BET1: variants seen among roughly 807,000 people sequenced by gnomAD.
BET1 encodes Bet1 golgi vesicular membrane trafficking protein.
A neutral mutation model predicts 13.9 loss-of-function variants in BET1; 9 were observed. That is an observed-to-expected ratio of 0.65 (90% CI 0.39 to 1.13). BET1 has a LOEUF of 1.13. Ranked by LOEUF, BET1 falls within the 50% of genes most tolerant of loss-of-function variation. The pLI, the probability that BET1 is intolerant of heterozygous loss-of-function variation, is 0.01. For missense variants in BET1, 127 were observed against 133.6 expected (o/e 0.95, Z 0.24); for synonymous variants, 39 against 47.3 (o/e 0.82, Z 0.72).
chr7:93,971,950 C>G (rs1050636186), intron 6 of BET1, among the ~76,000 whole-genome samples: 3 of 149,858 alleles, frequency 2.0e-5, no homozygotes, highest in African/African-American at 7.4e-5. Context: ...AAAAAAAAAG[C>G]CATTGGATAT....
intron 4 of BET1, among the ~76,000 whole-genome samples, chr7:93,979,905 A>C (rs1265825143): frequency 6.6e-6 from 1 of 151,840 alleles, no homozygotes; most frequent in Admixed American, 6.6e-5. Context: ...GCCCACATGC[A>C]CTTGCCATCG....
chr7:93,963,354 T>C lies in BET1; in HGVS notation c.*2471A>G, dbSNP rs184080392. 1.1e-3 allele frequency: 164 copies of C among 152,192 alleles called. 1 individual carries two copies. Among genetic ancestry groups the C allele is most frequent in the African/African-American group, 3.9e-3 (160 of 41,556 alleles). 9.4% of individuals were successfully genotyped at this position (152,192 alleles called of 1,614,324 possible). On this transcript the variant is annotated 3_prime_UTR_variant and NMD_transcript_variant, in exon 7 of 7. Coordinates refer to the BET1 transcript ENST00000357520. ...TATAGCAGTATGAGAAGAAAACTAA[T>C]ACTGTAGACATTTCCTAAAACTCTT...
intron 4 of BET1, among the ~76,000 whole-genome samples, chr7:93,984,507 T>G (rs948187119): frequency 6.6e-6 from 1 of 152,168 alleles, no homozygotes; most frequent in Non-Finnish European, 1.5e-5. Context: ...ATGAAATTCC[T>G]TCTACTGAAG....
chr7:93,987,119 G>GT (rs1029619209), intron 4 of BET1: 2 of 151,036 alleles, frequency 1.3e-5, no homozygotes, highest in African/African-American at 2.4e-5. Flanking sequence ...TTTTGTTTTT[G>GT]TTTTTTGTTT....
chr7:93,996,369 A>G (rs1319504828), intron 2 of BET1, 48 bp from the exon 3 acceptor site: 2 of 1,301,460 alleles, frequency 1.5e-6, no homozygotes, highest in South Asian at 2.9e-5. Flanking sequence ...AAAGTATTCA[A>G]GTGTTATAAA....
chr7:93,996,180 G>T, intron 3 of BET1, 85 bp downstream of exon 3: 1 of 1,008,054 alleles, frequency 9.9e-7, no homozygotes, highest in Non-Finnish European at 1.5e-6. Context: ...TACGATCTCT[G>T]TATTTCAAAA....
At chr7:94,000,330 G>A (rs1795871515) in intron 1 of BET1, 1 of 151,768 alleles carries the variant, frequency 6.6e-6, no homozygotes, top group Non-Finnish European at 1.5e-5. Flanking sequence ...AGCCAGGATG[G>A]TCTCGATCTC....
At chr7:93,978,354 C>T (rs1046296824) in intron 4 of BET1, among the ~76,000 whole-genome samples, 5 of 152,164 alleles carry the variant, frequency 3.3e-5, no homozygotes, top group Admixed American at 1.3e-4. Context: ...TAGGAGTGAG[C>T]CACTGTGCCT....
At chr7:93,975,658 C>T (rs949322132) in intron 5 of BET1, among the ~76,000 whole-genome samples, 5 of 152,108 alleles carry the variant, frequency 3.3e-5, no homozygotes, top group Middle Eastern at 6.8e-3. Context: ...CTGTTTTTTG[C>T]ATAGATACTT....
chr7:94,002,449 G>A (rs1302152903), intron 1 of BET1, among the ~76,000 whole-genome samples: 2 of 116,146 alleles, frequency 1.7e-5, no homozygotes, highest in African/African-American at 7.7e-5. Context: ...TCACAGAAGA[G>A]CTTTTTTTTA....
intron 4 of BET1, among the ~76,000 whole-genome samples, chr7:93,979,448 C>G (rs1265498386): frequency 2.0e-5 from 3 of 152,046 alleles, no homozygotes; most frequent in Admixed American, 1.3e-4. Context: ...ACATTCTATC[C>G]TAATTTGCAT....
chr7:93,991,744 C>T (rs961831084), downstream of BET1: 1 of 925,706 alleles, frequency 1.1e-6, no homozygotes, highest in Non-Finnish European at 1.3e-6. Flanking sequence ...ACTTCATAGC[C>T]TTTGGTCTTA....
At chr7:93,976,089 C>T (rs750121399) in exon 5 of BET1, 2 of 1,237,126 alleles carry the variant, frequency 1.6e-6, no homozygotes, top group African/African-American at 1.5e-5. Flanking sequence ...TCCCTGGAAC[C>T]TGAAGGATCC....
intron 2 of BET1, among the ~76,000 whole-genome samples, chr7:93,996,858 T>A (rs1486315831): frequency 6.6e-6 from 1 of 151,806 alleles, no homozygotes; most frequent in African/African-American, 2.4e-5. Context: ...TTATTACATT[T>A]TGAAAGATCT....
chr7:93,975,744 A>G (rs1161135759), intron 5 of BET1, among the ~76,000 whole-genome samples: 2 of 152,120 alleles, frequency 1.3e-5, no homozygotes, highest in African/African-American at 4.8e-5. Context: ...GAGATGATCC[A>G]GATATAATGG....
chr7:93,993,369 T>G lies in BET1; in HGVS notation c.*861A>C, dbSNP rs1055369907. The G allele has an allele frequency of 3.9e-5, 38 of 970,328 alleles. No homozygotes were observed. Among genetic ancestry groups the G allele is most frequent in the Non-Finnish European group, 4.4e-5 (36 of 815,976 alleles). 60.1% of individuals were successfully genotyped at this position (970,328 alleles called of 1,614,324 possible). A position where few individuals can be genotyped will look rare whatever the true frequency, so the allele number is the denominator to read the frequency against. ...ACTCAACAGTCTGCCTTTGTGTTTT[T>G]CTTTCCATAAACAAATACACTGGAT... On this transcript the variant is annotated 3_prime_UTR_variant, in exon 4 of 4. Coordinates refer to ENST00000222547, the MANE Select transcript of BET1 (RefSeq NM_005868.6).
At chr7:93,962,928 T>C (rs1795116122) in exon 7 of BET1, 2 of 152,122 alleles carry the variant, frequency 1.3e-5, no homozygotes, top group Non-Finnish European at 2.9e-5. Flanking sequence ...CATTAGACTC[T>C]TTAACTATTG....
intron 6 of BET1, among the ~76,000 whole-genome samples, chr7:93,971,557 C>T (rs969369230): frequency 8.6e-5 from 13 of 151,702 alleles, no homozygotes; most frequent in African/African-American, 3.1e-4. Flanking sequence ...GCCCTACTTC[C>T]TTTCACAGTA....
chr7:94,002,458 T>TTTAAAAAAAA (rs1562810165), intron 1 of BET1, among the ~76,000 whole-genome samples: 1 of 128,074 alleles, frequency 7.8e-6, no homozygotes, highest in African/African-American at 3.3e-5. Flanking sequence ...AGCTTTTTTT[T>TTTAAAAAAAA]AAAAAAAAAA....
Sources: gnomAD v4.1 joint callset for allele counts (sites outside exome capture counted in the v4.1 genomes callset) on GRCh38, gnomAD v4.1.1 for gene constraint, MANE v1.5 for transcripts, NCBI Gene and HGNC (gene_info 2026-07-23, HGNC 2026-07-21) for gene names.